NRG2: variants seen among roughly 807,000 people sequenced by gnomAD.
NRG2 encodes the protein neuregulin 2.
Under a neutral mutation model 73.9 loss-of-function variants are expected in NRG2, and 27 were observed. The observed-to-expected ratio is 0.37, with a 90% confidence interval of 0.27 to 0.50. The LOEUF (loss-of-function observed/expected upper bound fraction) is 0.50. Ranked by LOEUF, NRG2 falls within the 20% of genes least tolerant of loss-of-function variation. The probability of loss-of-function intolerance (pLI) is 0.96; values close to 1 mark genes in which losing one functional copy is unlikely to be tolerated. For missense variants in NRG2, 1,126 were observed against 1,210.1 expected, an observed-to-expected ratio of 0.93 and a Z score of 1.03; for synonymous variants, 532 against 541.0, an observed-to-expected ratio of 0.98 and a Z score of 0.23.
rs140173163 is a variant in NRG2, at chr5:140,028,039, C to T, written c.700+14331G>A. Among the ~76,000 whole-genome samples, 24 of 152,298 alleles carry T rather than the reference C, an allele frequency of 1.6e-4. 1 individual carries two copies. The highest frequency in any genetic ancestry group is 5.8e-4 in the African/African-American group (24 of 41,568). ...GGGACTAGCGACTAATGTTGCCCTCCTTTCTAAATGGAATCATCTACTGTA... is the reference window on the plus strand; with the variant it reads ...GGGACTAGCGACTAATGTTGCCCTCTTTTCTAAATGGAATCATCTACTGTA... On this transcript the variant is annotated intron_variant, in intron 1 of 9. Coordinates refer to ENST00000361474, the MANE Select transcript of NRG2 (RefSeq NM_004883.3).
At chr5:139,867,405 G>A (rs11745110) in intron 4 of NRG2, among the ~76,000 whole-genome samples, 10,063 of 152,132 alleles carry the variant, frequency 0.066, 459 homozygotes, top group Non-Finnish European at 0.096. Context: ...GTACATGGTC[G>A]TCTTACTGAA....
chr5:139,889,289 G>A lies in NRG2; in HGVS notation c.701-1778C>T, dbSNP rs1245672111. On this transcript the variant is annotated intron_variant, in intron 1 of 9. Coordinates refer to ENST00000361474, the MANE Select transcript of NRG2 (RefSeq NM_004883.3). The stretch of plus-strand genomic sequence containing the variant: ...ATGACTTATATGTGTATTTGTTTGT[G>A]TATATATATATTTCAACAATGATTC... 5.9e-5 allele frequency among the ~76,000 whole-genome samples: 9 copies of A among 151,846 alleles called. No homozygotes were observed. In the South Asian group the frequency reaches 6.3e-4, roughly 11 times the overall value.
At chr5:139,860,492 A>T (rs1046421127) in intron 5 of NRG2, among the ~76,000 whole-genome samples, 5 of 151,876 alleles carry the variant, frequency 3.3e-5, no homozygotes, top group Admixed American at 3.3e-4. Context: ...GGAGCCTCAG[A>T]GTCTGTGGGA....
chr5:139,914,289 G>A (rs1372101180), intron 1 of NRG2, among the ~76,000 whole-genome samples: 1 of 152,190 alleles, frequency 6.6e-6, no homozygotes, highest in African/African-American at 2.4e-5. Context: ...GAGTATGGCG[G>A]TCAGAAGGAG....
Position 139,896,294 on chromosome 5 carries a change from T to C in NRG2, c.701-8783A>G, listed in dbSNP as rs1373492985. 2.0e-5 allele frequency among the ~76,000 whole-genome samples: 3 copies of C among 152,124 alleles called. No homozygotes were observed. The South Asian group carries it at 6.2e-4, about 32-fold the overall frequency. On this transcript the variant is annotated intron_variant, in intron 1 of 9. Transcript: ENST00000361474. ...GTGGATTTTTAAGATAAAATAAAAG[T>C]ATAAGGTTTTGAAAAAATGCTGGGT... is the stretch of plus-strand genomic sequence containing the variant.
chr5:139,967,350 G>A (rs1301455585), intron 1 of NRG2, among the ~76,000 whole-genome samples: 1 of 152,166 alleles, frequency 6.6e-6, no homozygotes, highest in Non-Finnish European at 1.5e-5. Flanking sequence ...GACATTCTCA[G>A]GACACACATA....
At chr5:139,980,790 A>G (rs556179706) in intron 1 of NRG2, among the ~76,000 whole-genome samples, 150 of 152,076 alleles carry the variant, frequency 9.9e-4, no homozygotes, top group Admixed American at 2.1e-3. Flanking sequence ...TCTTCCTACC[A>G]CTAATTCTCC....
intron 1 of NRG2, among the ~76,000 whole-genome samples, chr5:139,938,850 AAGAGAGAGAG>A (rs61044289): frequency 2.1e-4 from 20 of 95,086 alleles, no homozygotes; most frequent in South Asian, 1.5e-3. Context: ...ACAGAAAGGG[AAGAGAGAGAG>A]AGAGAGAGAG....
chr5:140,035,834 G>A (rs1287930065), intron 1 of NRG2, among the ~76,000 whole-genome samples: 1 of 152,120 alleles, frequency 6.6e-6, no homozygotes, highest in East Asian at 1.9e-4. Flanking sequence ...CACAGGGCAG[G>A]AAACTGTGAA....
At chr5:139,975,405 A>G (rs1183426806) in intron 1 of NRG2, among the ~76,000 whole-genome samples, 1 of 152,124 alleles carries the variant, frequency 6.6e-6, no homozygotes, top group African/African-American at 2.4e-5. Flanking sequence ...CTAGTCTGCC[A>G]CCCTTACCCC....
intron 1 of NRG2, among the ~76,000 whole-genome samples, chr5:140,006,999 T>G (rs1663535038): frequency 1.3e-5 from 2 of 152,154 alleles, no homozygotes; most frequent in South Asian, 4.1e-4. Context: ...AACTCTAGAA[T>G]AGTGGTCCTT....
At chr5:139,983,543 T>C (rs1333692379) in intron 1 of NRG2, among the ~76,000 whole-genome samples, 1 of 152,236 alleles carries the variant, frequency 6.6e-6, no homozygotes, top group Non-Finnish European at 1.5e-5. Context: ...CCCCTGGTTC[T>C]CCATTGTTTC....
intron 1 of NRG2, among the ~76,000 whole-genome samples, chr5:139,997,934 T>A (rs1269472324): frequency 6.6e-6 from 1 of 152,132 alleles, no homozygotes; most frequent in African/African-American, 2.4e-5. Context: ...TCTAGGTAAA[T>A]TAGGAAGCTT....
chr5:139,906,223 G>C (rs747375689), intron 1 of NRG2, among the ~76,000 whole-genome samples: 1 of 152,058 alleles, frequency 6.6e-6, no homozygotes, highest in Non-Finnish European at 1.5e-5. Context: ...GGTCAGGCTG[G>C]TCTCGAACTC....
At chr5:139,972,150 T>C (rs1450856311) in intron 1 of NRG2, among the ~76,000 whole-genome samples, 1 of 152,204 alleles carries the variant, frequency 6.6e-6, no homozygotes, top group Non-Finnish European at 1.5e-5. Context: ...TGTAGAATGT[T>C]AAGTGACATT....
At chr5:139,905,976 G>A (rs1188023790) in intron 1 of NRG2, among the ~76,000 whole-genome samples, 1 of 152,020 alleles carries the variant, frequency 6.6e-6, no homozygotes, top group African/African-American at 2.4e-5. Flanking sequence ...TCTCAGTTCT[G>A]ACCTCTCCAA....
At chr5:139,998,283 G>C (rs1758180109) in intron 1 of NRG2, among the ~76,000 whole-genome samples, 1 of 152,134 alleles carries the variant, frequency 6.6e-6, no homozygotes, top group Non-Finnish European at 1.5e-5. Context: ...CCCCACAGAA[G>C]AGCAGGTCAG....
intron 1 of NRG2, among the ~76,000 whole-genome samples, chr5:139,939,198 G>T (rs2126416419): frequency 7.0e-6 from 1 of 142,184 alleles, no homozygotes; most frequent in East Asian, 2.2e-4. Flanking sequence ...GTTTGGCAAA[G>T]ATTTCTTTCC....
At chr5:139,999,608 A>G (rs1041096062) in intron 1 of NRG2, among the ~76,000 whole-genome samples, 1 of 152,188 alleles carries the variant, frequency 6.6e-6, no homozygotes, top group Non-Finnish European at 1.5e-5. Flanking sequence ...AAGAAGAATG[A>G]TTATAGTACA....
Sources: allele counts gnomAD v4.1 joint callset (sites outside exome capture counted in the v4.1 genomes callset), GRCh38; gene constraint gnomAD v4.1.1; transcripts MANE v1.5; gene names NCBI Gene and HGNC (gene_info 2026-07-23, HGNC 2026-07-21).